The following TNFAIP8 variants were observed in gnomAD, a reference collection of about 807,000 sequenced individuals.
TNFAIP8 encodes the protein tumor necrosis factor alpha-induced protein 8.
A neutral mutation model predicts 13.3 loss-of-function variants in TNFAIP8; 7 were observed. That is an observed-to-expected ratio of 0.52 (90% CI 0.30 to 0.99). TNFAIP8 has a LOEUF of 0.99. Among genes scored for constraint, TNFAIP8 ranks in the 50% least tolerant of loss-of-function variants. The probability of loss-of-function intolerance (pLI) is 0.07; values close to 1 mark genes in which losing one functional copy is unlikely to be tolerated. For synonymous variants in TNFAIP8, 94 were observed against 87.6 expected, an observed-to-expected ratio of 1.07 and a Z score of -0.41; for missense variants, 258 against 236.9, an observed-to-expected ratio of 1.09 and a Z score of -0.58.
At chr5:119,373,915 A>C (rs1394595774) in intron 1 of TNFAIP8, among the ~76,000 whole-genome samples, 2 of 152,176 alleles carry the variant, frequency 1.3e-5, no homozygotes, top group Non-Finnish European at 2.9e-5. Context: ...ATGGGGATTC[A>C]TAGCCTTTGG....
intron 1 of TNFAIP8, among the ~76,000 whole-genome samples, chr5:119,356,551 G>C (rs906422574): frequency 1.3e-5 from 2 of 152,118 alleles, no homozygotes; most frequent in African/African-American, 4.8e-5. Flanking sequence ...TATGTTTCCG[G>C]CTAAAAGGGG....
intron 1 of TNFAIP8, among the ~76,000 whole-genome samples, chr5:119,270,491 G>A (rs1411833580): frequency 6.6e-6 from 1 of 152,158 alleles, no homozygotes; most frequent in African/African-American, 2.4e-5. Context: ...TGAACTCCTG[G>A]GCTCAAGTGA....
At chr5:119,305,629 T>A (rs564667206) in intron 1 of TNFAIP8, among the ~76,000 whole-genome samples, 1 of 152,314 alleles carries the variant, frequency 6.6e-6, no homozygotes, top group Admixed American at 6.5e-5. Context: ...TTAAGTCATT[T>A]GAAACAAAGT....
intron 1 of TNFAIP8, among the ~76,000 whole-genome samples, chr5:119,349,146 A>G (rs1474413767): frequency 6.6e-6 from 1 of 152,152 alleles, no homozygotes; most frequent in Non-Finnish European, 1.5e-5. Flanking sequence ...AAAGAAATTC[A>G]GCCCTTTTGT....
At chr5:119,392,412 A>G (rs1028756033) in intron 1 of TNFAIP8, among the ~76,000 whole-genome samples, 1 of 151,658 alleles carries the variant, frequency 6.6e-6, no homozygotes, top group Non-Finnish European at 1.5e-5. Flanking sequence ...TTGTTTTGAG[A>G]CAGAGTCTCG....
intron 1 of TNFAIP8, among the ~76,000 whole-genome samples, chr5:119,387,117 A>G (rs889432468): frequency 2.0e-5 from 3 of 152,024 alleles, no homozygotes; most frequent in Non-Finnish European, 4.4e-5. Context: ...CCGAGCGTTC[A>G]TTGCTTTTCT....
At chr5:119,279,239 G>A (rs375548045) in intron 1 of TNFAIP8, among the ~76,000 whole-genome samples, 7 of 152,198 alleles carry the variant, frequency 4.6e-5, no homozygotes, top group African/African-American at 1.7e-4. Context: ...TTACACTCTG[G>A]TGGCTCAGCT....
intron 1 of TNFAIP8, among the ~76,000 whole-genome samples, chr5:119,287,960 C>T (rs1361730583): frequency 6.6e-6 from 1 of 152,142 alleles, no homozygotes; most frequent in African/African-American, 2.4e-5. Context: ...CAGTCACCAC[C>T]TTGTACGTGA....
intron 1 of TNFAIP8, among the ~76,000 whole-genome samples, chr5:119,293,530 T>A (rs916672692): frequency 1.5e-4 from 23 of 152,230 alleles, no homozygotes. Context: ...GGATTTCTTC[T>A]TTTTTAAGGC....
At chr5:119,341,176 C>A (rs1750725671) in intron 1 of TNFAIP8, among the ~76,000 whole-genome samples, 1 of 151,476 alleles carries the variant, frequency 6.6e-6, no homozygotes, top group African/African-American at 2.4e-5. Flanking sequence ...GCTCAATAAC[C>A]CTCCAGTGCT....
chr5:119,369,127 C>G (rs1325518705), intron 1 of TNFAIP8, among the ~76,000 whole-genome samples: 3 of 143,570 alleles, frequency 2.1e-5, no homozygotes, highest in Admixed American at 7.3e-5. Flanking sequence ...AATCTTGGTT[C>G]ACTGCAACCT....
chr5:119,355,458 T>C, upstream of TNFAIP8: 1 of 675,068 alleles, frequency 1.5e-6, no homozygotes, highest in South Asian at 1.5e-5. Flanking sequence ...AATTGTGCTC[T>C]CTTAAGCTGG....
At chr5:119,285,875 GA>G (rs11288659) in intron 1 of TNFAIP8, among the ~76,000 whole-genome samples, 10,531 of 152,174 alleles carry the variant, frequency 0.069, 878 homozygotes, top group African/African-American at 0.2. Flanking sequence ...CACTGATATG[GA>G]AAGATCTCCA....
chr5:119,282,304 T>C (rs10063063), intron 1 of TNFAIP8, among the ~76,000 whole-genome samples: 136,653 of 152,250 alleles, frequency 0.9, 61,423 homozygotes, highest in East Asian at 0.99. Context: ...TAAATATATA[T>C]TTGTTTATGA....
chr5:119,272,258 G>C (rs1449149391), intron 1 of TNFAIP8, among the ~76,000 whole-genome samples: 5 of 152,174 alleles, frequency 3.3e-5, no homozygotes, highest in Admixed American at 3.3e-4. Context: ...ATCTCCTTAA[G>C]TCCAGCTTGC....
At chr5:119,292,509 A>G (rs1749018165) in intron 1 of TNFAIP8, among the ~76,000 whole-genome samples, 1 of 151,332 alleles carries the variant, frequency 6.6e-6, no homozygotes, top group African/African-American at 2.4e-5. Flanking sequence ...GTCTACTTCC[A>G]GATGTCTACC....
At chr5:119,383,820 G>C (rs767447817) in intron 1 of TNFAIP8, among the ~76,000 whole-genome samples, 32 of 152,246 alleles carry the variant, frequency 2.1e-4, no homozygotes, top group Non-Finnish European at 4.0e-4. Flanking sequence ...GTCGTTTTAG[G>C]TTATATTTTA....
At chr5:119,351,338 G>C (rs1341439114), upstream of TNFAIP8, among the ~76,000 whole-genome samples, 3 of 151,986 alleles carry the variant, frequency 2.0e-5, no homozygotes, top group Non-Finnish European at 4.4e-5. Flanking sequence ...TACTCTATTT[G>C]TATTGTACTA....
chr5:119,370,435 C>G (rs1752029193), intron 1 of TNFAIP8, among the ~76,000 whole-genome samples: 2 of 152,174 alleles, frequency 1.3e-5, no homozygotes, highest in Admixed American at 6.5e-5. Flanking sequence ...TGAGTTTACA[C>G]AGAGAAGTTA....
Sources: allele counts gnomAD v4.1 joint callset (sites outside exome capture counted in the v4.1 genomes callset), GRCh38; gene constraint gnomAD v4.1.1; transcripts MANE v1.5; gene names NCBI Gene and HGNC (gene_info 2026-07-23, HGNC 2026-07-21).